The following CMTM5 variants were observed in gnomAD, a reference collection of about 807,000 sequenced individuals.
CMTM5 encodes the protein CKLF-like MARVEL transmembrane domain-containing protein 5.
CMTM5 carries 25 observed loss-of-function variants against 26.9 expected under a neutral mutation model. The observed-to-expected ratio is 0.93, with a 90% CI of 0.68 to 1.30. The LOEUF (loss-of-function observed/expected upper bound fraction) is 1.30, where lower values mean the gene tolerates loss of function less well. Ranked by LOEUF, CMTM5 falls within the 50% of genes most tolerant of loss-of-function variation. The probability of loss-of-function intolerance (pLI) is 0.00; values close to 1 mark genes in which losing one functional copy is unlikely to be tolerated. For missense variants in CMTM5, 292 were observed against 289.6 expected (o/e 1.01, Z -0.06); for synonymous variants, 98 against 115.5 (o/e 0.85, Z 0.97).
At position 23,379,639 on chromosome 14, in the gene CMTM5, G is replaced by A; in HGVS notation, c.*152G>A. ...CTGAGACGTCACTGGGGACTTATCT[G>A]TGGAGCCTGGTGCTCCAGGATGTGG... On this transcript the variant is annotated 3_prime_UTR_variant, in exon 6 of 6. Transcript: ENST00000339180. 1.4e-6 allele frequency: 2 copies of A among 1,479,856 alleles called. No individual in the cohort carries two copies. Among genetic ancestry groups the A allele is most frequent in the African/African-American group, 1.4e-5 (1 of 71,964 alleles). 91.7% of individuals were successfully genotyped at this position (1,479,856 alleles called of 1,614,324 possible).
In CMTM5 at chr14:23,377,423, G is replaced by A. The variant is rs375082770; in HGVS notation, c.126+46G>A. ...TGGTGCCTCCATCTCCCTGACCCCC[G>A]GCTCCTGGCCAGCCTTATGCCAGCC... is the stretch of plus-strand genomic sequence containing the variant. On this transcript the variant is annotated intron_variant, in intron 1 of 5. Coordinates refer to ENST00000339180, the MANE Select transcript of CMTM5 (RefSeq NM_001288746.2). This position sits in a 1 kb window ranked among gnomAD's most constrained non-coding sequence, Gnocchi z 4.6. 3.8e-5 allele frequency: 58 copies of A among 1,517,608 alleles called. No individual in the cohort carries two copies. The highest frequency in any genetic ancestry group is 5.6e-5 in the African/African-American group (4 of 71,940). 94.0% of individuals were successfully genotyped at this position (1,517,608 alleles called of 1,614,324 possible). A position where few individuals can be genotyped will look rare whatever the true frequency, so the allele number is the denominator to read the frequency against.
Position 23,379,339 on chromosome 14 carries a change from C to G in CMTM5, c.614C>G (p.Ala205Gly). 6.2e-7 allele frequency: 1 copy of G among 1,614,176 alleles called. No homozygotes were observed. The highest frequency in any genetic ancestry group is 8.5e-7 in the Non-Finnish European group (1 of 1,180,020). The change falls in exon 5 of 6, where the codon GCC becomes GGC. Residue 205 changes from alanine to glycine, a missense_variant. Ala to Gly is a moderately conservative substitution (Grantham distance 60, BLOSUM62 0). Transcript: ENST00000339180. The part of the protein sequence containing the change: ...IILVSIFAYD[A>G]FKIYRTEMAP... ...CTGGTTTCCATCTTTGCCTATGATG[C>G]CTTCAAGATCTACCGGACTGAGATG...
At chr14:23,379,435 C>T in intron 5 of CMTM5, 39 bp from the exon 6 acceptor site, 1 of 1,614,150 alleles carries the variant, frequency 6.2e-7, no homozygotes, top group South Asian at 1.1e-5. Flanking sequence ...CCTAGCTACC[C>T]ATCCTGATGT....
rs1439281488 is a variant in CMTM5, at chr14:23,377,329, C to T, written c.78C>T (p.Asp26=). ...CAGAGCTCCAGGGCTTCGCGGTGGA[C>T]AAGGCCTTCCTCACCTCCCACAAGG... is the stretch of plus-strand genomic sequence containing the variant. ...VVAELQGFAV[D]KAFLTSHKGI... is the part of the protein sequence containing the mutation. The change falls in exon 1 of 6, where the codon GAC becomes GAT. Residue 26 remains aspartate (D), a synonymous_variant. Transcript: ENST00000339180. This position sits in a 1 kb window ranked among gnomAD's most constrained non-coding sequence, Gnocchi z 4.6. 6.2e-7 allele frequency: 1 copy of T among 1,608,532 alleles called. No individual in the cohort carries two copies. Among genetic ancestry groups the T allele is most frequent in the Non-Finnish European group, 8.5e-7 (1 of 1,176,754 alleles).
In CMTM5 at chr14:23,379,676, G is replaced by A. The variant is rs1334311350; in HGVS notation, c.*189G>A. 4.2e-6 allele frequency: 6 copies of A among 1,412,754 alleles called. No homozygotes were observed. Among genetic ancestry groups the A allele is most frequent in the Non-Finnish European group, 4.7e-6 (5 of 1,072,326 alleles). The allele number at this position is 1,412,754 out of a possible 1,614,324, so 87.5% of individuals were successfully genotyped here. ...GCTCCAGGATGTGGCTTCTCATGAA[G>A]CTCTGGCCAGAGGAGGGGAACTTAT... On this transcript the variant is annotated 3_prime_UTR_variant, in exon 6 of 6. Coordinates refer to ENST00000339180, the MANE Select transcript of CMTM5 (RefSeq NM_001288746.2).
At chr14:23,379,152 C>T in intron 4 of CMTM5, 29 bp downstream of exon 4, 1 of 1,609,318 alleles carries the variant, frequency 6.2e-7, no homozygotes, top group Non-Finnish European at 8.5e-7. Flanking sequence ...GACTCCTTAG[C>T]CCCTCAAGAG....
intron 4 of CMTM5, 42 bp from the exon 5 acceptor site, chr14:23,379,257 C>T: frequency 1.9e-6 from 3 of 1,612,686 alleles, no homozygotes; most frequent in Middle Eastern, 3.3e-4. Flanking sequence ...ACCCAATGGC[C>T]CTATAGCCTC....
Position 23,379,620 on chromosome 14 carries a change from C to T in CMTM5, c.*133C>T, listed in dbSNP as rs950376817. On this transcript the variant is annotated 3_prime_UTR_variant, in exon 6 of 6. Coordinates refer to ENST00000339180, the MANE Select transcript of CMTM5 (RefSeq NM_001288746.2). ...CCCTACACAGCAGTCTGGCCTGAGA[C>T]GTCACTGGGGACTTATCTGTGGAGC... 1.1e-4 allele frequency: 159 copies of T among 1,455,060 alleles called. No homozygotes were observed. The highest frequency in any genetic ancestry group is 1.2e-4 in the Non-Finnish European group (136 of 1,097,138). The allele number at this position is 1,455,060 out of a possible 1,614,324, so 90.1% of individuals were successfully genotyped here.
Position 23,378,755 on chromosome 14 carries a change from C to T in CMTM5, c.366C>T (p.Gly122=). ...SAKVQPQPWP[G]LTPPGWHTPA... is the part of the protein sequence containing the mutation. ...AGGTCCAGCCCCAGCCCTGGCCTGGCTTGACCCCCCCGGGCTGGCATACTC... is the reference window on the plus strand; with the variant it reads ...AGGTCCAGCCCCAGCCCTGGCCTGGTTTGACCCCCCCGGGCTGGCATACTC... Residue 122 remains glycine (G), a synonymous_variant, in exon 3 of 6, where the codon GGC becomes GGT. Transcript: ENST00000339180. The surrounding 1 kb of genome is among the most constrained non-coding windows in gnomAD (Gnocchi z 4.2). The T allele has an allele frequency of 6.2e-7, 1 of 1,612,402 alleles. No individual in the cohort carries two copies. The highest frequency in any genetic ancestry group is 8.5e-7 in the Non-Finnish European group (1 of 1,179,840).
In CMTM5 at chr14:23,377,437, C is replaced by T; in HGVS notation, c.126+60C>T. 6.7e-7 allele frequency: 1 copy of T among 1,498,360 alleles called. No homozygotes were observed. Among genetic ancestry groups the T allele is most frequent in the South Asian group, 1.3e-5 (1 of 76,220 alleles). The allele number at this position is 1,498,360 out of a possible 1,614,324, so 92.8% of individuals were successfully genotyped here. A position where few individuals can be genotyped will look rare whatever the true frequency, so the allele number is the denominator to read the frequency against. ...CCCTGACCCCCGGCTCCTGGCCAGC[C>T]TTATGCCAGCCCCCAGCTCACCCTT... On this transcript the variant is annotated intron_variant, in intron 1 of 5. Coordinates refer to ENST00000339180, the MANE Select transcript of CMTM5 (RefSeq NM_001288746.2). The surrounding 1 kb of genome is among the most constrained non-coding windows in gnomAD (Gnocchi z 4.6).
chr14:23,377,169 G>C lies in CMTM5; in HGVS notation c.-83G>C, dbSNP rs565152339. 147 of 1,563,512 alleles carry C rather than the reference G, an allele frequency of 9.4e-5. 3 individuals carry two copies. The South Asian group carries it at 1.6e-3, about 17-fold the overall frequency. ...TTTCTCGAAGTGCCTTCTTGCTCCT[G>C]TCTGTTTCCCCATCCTGCCAGATTT... On this transcript the variant is annotated 5_prime_UTR_variant, in exon 1 of 6. Transcript: ENST00000339180. The surrounding 1 kb of genome is among the most constrained non-coding windows in gnomAD (Gnocchi z 4.6).
rs1345856079 is a variant in CMTM5 at position 23,377,483 on chromosome 14, C to A, written c.126+106C>A. On this transcript the variant is annotated intron_variant, in intron 1 of 5. Transcript: ENST00000339180. The surrounding 1 kb of genome is among the most constrained non-coding windows in gnomAD (Gnocchi z 4.6). ...CCCTTCAGTAGCCTCCTTCCCCAAG[C>A]CCTCTGGACACCTCTCCTGCCCGCA... 2 of 1,312,350 alleles carry A rather than the reference C, an allele frequency of 1.5e-6. No homozygotes were observed. Among genetic ancestry groups the A allele is most frequent in the Non-Finnish European group, 1.0e-6 (1 of 985,908 alleles). The allele number at this position is 1,312,350 out of a possible 1,614,324, so 81.3% of individuals were successfully genotyped here. A position where few individuals can be genotyped will look rare whatever the true frequency, so the allele number is the denominator to read the frequency against.
rs759909554 is a variant in CMTM5, at chr14:23,377,308, G to A, written c.57G>A (p.Glu19=). The change falls in exon 1 of 6, where the codon GAG becomes GAA. Residue 19 remains glutamate (E), a synonymous_variant. Transcript: ENST00000339180. The surrounding 1 kb of genome is among the most constrained non-coding windows in gnomAD (Gnocchi z 4.6). The stretch of plus-strand genomic sequence containing the variant: ...ACCCTGAGGAGGGGGTAGTTGCAGA[G>A]CTCCAGGGCTTCGCGGTGGACAAGG... ...DRHPEEGVVA[E]LQGFAVDKAF... The A allele has an allele frequency of 1.4e-5, 23 of 1,611,704 alleles. No homozygotes were observed. Among genetic ancestry groups the A allele is most frequent in the Admixed American group, 5.0e-5 (3 of 59,756 alleles).
chr14:23,377,953 T>G lies in CMTM5; in HGVS notation c.127-396T>G. 4.6e-6 allele frequency: 1 copy of G among 217,266 alleles called. No homozygotes were observed. The highest frequency in any genetic ancestry group is 9.0e-6 in the Non-Finnish European group (1 of 110,792). The allele number at this position is 217,266 out of a possible 1,614,324, so 13.5% of individuals were successfully genotyped here. The stretch of plus-strand genomic sequence containing the variant: ...AGGCTCTGGTCCTTGTCAGGGGGCT[T>G]TCAGGCATCTGGGGGTGGGGAAAGC... On this transcript the variant is annotated intron_variant, in intron 1 of 5. Transcript: ENST00000339180. The surrounding 1 kb of genome is among the most constrained non-coding windows in gnomAD (Gnocchi z 4.6).
Position 23,379,628 on chromosome 14 carries a change from G to A in CMTM5, c.*141G>A, listed in dbSNP as rs1350726866. On this transcript the variant is annotated 3_prime_UTR_variant, in exon 6 of 6. Coordinates refer to ENST00000339180, the MANE Select transcript of CMTM5 (RefSeq NM_001288746.2). ...AGCAGTCTGGCCTGAGACGTCACTG[G>A]GGACTTATCTGTGGAGCCTGGTGCT... 16 of 1,507,414 alleles carry A rather than the reference G, an allele frequency of 1.1e-5. No homozygotes were observed. In the African/African-American group the frequency reaches 2.1e-4, roughly 19 times the overall value. 93.4% of individuals were successfully genotyped at this position (1,507,414 alleles called of 1,614,324 possible).
Position 23,379,352 on chromosome 14 carries a change from C to T in CMTM5, c.627C>T (p.Tyr209=). The change falls in exon 5 of 6, where the codon TAC becomes TAT. Residue 209 remains tyrosine (Y), a synonymous_variant. Transcript: ENST00000339180. ...SIFAYDAFKI[Y]RTEMAPGASQ... ...TTGCCTATGATGCCTTCAAGATCTA[C>T]CGGACTGAGATGGCACCCGGGGCCA... 6.2e-7 allele frequency: 1 copy of T among 1,614,168 alleles called. No individual in the cohort carries two copies. The highest frequency in any genetic ancestry group is 1.7e-5 in the Admixed American group (1 of 60,028).
In CMTM5 at chr14:23,378,358, C is replaced by T; in HGVS notation, c.136C>T (p.Leu46Phe). The T allele has an allele frequency of 6.2e-7, 1 of 1,614,044 alleles. No individual in the cohort carries two copies. The highest frequency in any genetic ancestry group is 8.5e-7 in the Non-Finnish European group (1 of 1,179,984). Residue 46 changes from leucine to phenylalanine, a missense_variant, in exon 2 of 6, where the codon CTC (leucine) becomes TTC (phenylalanine). Leu to Phe is a conservative substitution (Grantham distance 22). Coordinates refer to ENST00000339180, the MANE Select transcript of CMTM5 (RefSeq NM_001288746.2). This position sits in a 1 kb window ranked among gnomAD's most constrained non-coding sequence, Gnocchi z 4.2. Reference protein sequence around the residue: ...ILLETELALTLIIFICFTASI... With the variant: ...ILLETELALTFIIFICFTASI... ...ATGCTCGGTCCTGCAGGCCCTGACCCTCATCATCTTCATCTGCTTCACGGC... is the reference window on the plus strand; with the variant it reads ...ATGCTCGGTCCTGCAGGCCCTGACCTTCATCATCTTCATCTGCTTCACGGC...
In CMTM5 at chr14:23,379,769, T is replaced by C; in HGVS notation, c.*282T>C. On this transcript the variant is annotated 3_prime_UTR_variant, in exon 6 of 6. Coordinates refer to ENST00000339180, the MANE Select transcript of CMTM5 (RefSeq NM_001288746.2). ...CATTCCCAAATTAAAATATTCAAAT[T>C]CTACTGGTGAGTCTCTTTCTTCCCC... 1.4e-6 allele frequency: 1 copy of C among 710,874 alleles called. No homozygotes were observed. The highest frequency in any genetic ancestry group is 2.2e-6 in the Non-Finnish European group (1 of 445,960). 44.0% of individuals were successfully genotyped at this position (710,874 alleles called of 1,614,324 possible). A position where few individuals can be genotyped will look rare whatever the true frequency, so the allele number is the denominator to read the frequency against.
chr14:23,376,945 A>C, upstream of CMTM5: 1 of 369,816 alleles, frequency 2.7e-6, no homozygotes, highest in Non-Finnish European at 4.9e-6. Flanking sequence ...TCTCTATTCC[A>C]GGCTGGGTTG....
Sources: allele counts gnomAD v4.1 joint callset, GRCh38; gene constraint gnomAD v4.1.1; non-coding constraint Gnocchi (gnomAD v3.1); transcripts MANE v1.5; gene names NCBI Gene and HGNC (gene_info 2026-07-23, HGNC 2026-07-21).